The following SLC49A4 variants were observed in gnomAD, a reference collection of about 807,000 sequenced individuals.
The protein encoded by SLC49A4 is solute carrier family 49 member 4.
In SLC49A4, 36 loss-of-function variants were observed where a neutral mutation model predicts 50.6. The observed-to-expected ratio is 0.71, with a 90% confidence interval of 0.55 to 0.94. The LOEUF (loss-of-function observed/expected upper bound fraction) is 0.94, where lower values mean the gene tolerates loss of function less well. SLC49A4 is among the 40% of genes least tolerant of loss of function. The pLI is 0.00. For missense variants in SLC49A4, 503 were observed against 605.7 expected (o/e 0.83, Z 1.78); for synonymous variants, 248 against 241.2 (o/e 1.03, Z -0.26).
intron 2 of SLC49A4, among the ~76,000 whole-genome samples, chr3:122,823,535 T>G (rs774288921): frequency 1.3e-5 from 2 of 152,246 alleles, no homozygotes; most frequent in African/African-American, 2.4e-5. Flanking sequence ...CTTTTTAATT[T>G]TACATTCTCA....
chr3:122,837,117 G>A (rs1220061758), intron 4 of SLC49A4, among the ~76,000 whole-genome samples: 10 of 152,234 alleles, frequency 6.6e-5, no homozygotes, highest in East Asian at 3.9e-4. Context: ...AATCAATATC[G>A]TGAAAATGGC....
rs377713919 is a variant in SLC49A4 at position 122,860,149 on chromosome 3, C to T, written c.1085C>T (p.Thr362Met). Reference sequence around the variant, plus strand: ...TTTTCGGGAGCTACACTGTCATCCACGTGGTTCACCCTGACCTGTTTGAAC... The same window carrying T: ...TTTTCGGGAGCTACACTGTCATCCATGTGGTTCACCCTGACCTGTTTGAAC... ...LLFSGATLSSTWFTLTCLNSI... is the reference protein window; with the variant it reads ...LLFSGATLSSMWFTLTCLNSI... The change falls in exon 7 of 9, where the codon ACG (threonine) becomes ATG (methionine). Residue 362 changes from threonine (T) to methionine (M), a missense_variant. By Grantham distance (81) the Thr-to-Met change is moderately conservative. Coordinates refer to ENST00000261038, the MANE Select transcript of SLC49A4 (RefSeq NM_032839.3). 29 of 1,613,302 alleles carry T rather than the reference C, an allele frequency of 1.8e-5. No individual in the cohort carries two copies. The highest frequency in any genetic ancestry group is 4.0e-5 in the African/African-American group (3 of 74,886).
intron 3 of SLC49A4, among the ~76,000 whole-genome samples, chr3:122,832,494 T>A (rs538458573): frequency 3.3e-5 from 5 of 152,342 alleles, no homozygotes; most frequent in Admixed American, 2.6e-4. Context: ...TTTTGGATGC[T>A]TTCTTGTTCA....
intron 2 of SLC49A4, among the ~76,000 whole-genome samples, chr3:122,814,061 A>G (rs1936333313): frequency 1.3e-5 from 2 of 152,224 alleles, no homozygotes; most frequent in South Asian, 4.1e-4. Flanking sequence ...ACTTGAGGCC[A>G]GGAGTTCAAG....
At chr3:122,857,835 A>G (rs1937007487) in intron 6 of SLC49A4, among the ~76,000 whole-genome samples, 1 of 152,176 alleles carries the variant, frequency 6.6e-6, no homozygotes, top group Non-Finnish European at 1.5e-5. Context: ...CAAAGGGGGA[A>G]CAATTATGTA....
chr3:122,844,314 TCTC>T (rs1172139103), intron 4 of SLC49A4, among the ~76,000 whole-genome samples: 2 of 152,080 alleles, frequency 1.3e-5, no homozygotes, highest in African/African-American at 4.8e-5. Flanking sequence ...CTCAAGTTAT[TCTC>T]CTACCTTGGT....
intron 6 of SLC49A4, among the ~76,000 whole-genome samples, chr3:122,857,674 G>A (rs1451439630): frequency 6.6e-6 from 1 of 152,112 alleles, no homozygotes; most frequent in Non-Finnish European, 1.5e-5. Flanking sequence ...AGAAGCAGAA[G>A]GGGAATATAG....
Position 122,872,597 on chromosome 3 carries a change from G to A in SLC49A4, c.1321G>A (p.Glu441Lys), listed in dbSNP as rs1254918532. 6.4e-7 allele frequency: 1 copy of A among 1,567,588 alleles called. No individual in the cohort carries two copies. ...LLFFLTFYHT[E>K]LSWFNWCLPG... ...ATTTTTTCTCACATTTTATCATACA[G>A]GTAAGAAATTTGATTTTTTATTTAC... The change falls in exon 8 of 9, where the codon GAG (glutamate) becomes AAG (lysine). Residue 441 changes from glutamate to lysine, a missense_variant and splice_region_variant. Physicochemically the swap from Glu to Lys is moderately conservative, Grantham distance 56. Coordinates refer to ENST00000261038, the MANE Select transcript of SLC49A4 (RefSeq NM_032839.3).
chr3:122,808,901 G>A (rs756323327), intron 2 of SLC49A4, among the ~76,000 whole-genome samples: 2 of 152,210 alleles, frequency 1.3e-5, no homozygotes, highest in Non-Finnish European at 2.9e-5. Flanking sequence ...TGGACCAGAT[G>A]TGGGAAGTAA....
At chr3:122,807,015 A>T in intron 2 of SLC49A4, 65 bp downstream of exon 2, 1 of 914,728 alleles carries the variant, frequency 1.1e-6, no homozygotes, top group Non-Finnish European at 1.7e-6. Flanking sequence ...ATTTTTAAGA[A>T]GATCAGTAAA....
intron 1 of SLC49A4, among the ~76,000 whole-genome samples, chr3:122,802,557 A>T (rs1936147840): frequency 1.3e-5 from 2 of 152,204 alleles, no homozygotes; most frequent in Non-Finnish European, 2.9e-5. Flanking sequence ...CCCCAGGATC[A>T]CACAGGCTGG....
intron 2 of SLC49A4, among the ~76,000 whole-genome samples, chr3:122,824,293 T>C (rs1194403063): frequency 6.6e-6 from 1 of 152,196 alleles, no homozygotes; most frequent in Non-Finnish European, 1.5e-5. Context: ...CCATCTGAAG[T>C]GTCCCTGGTG....
chr3:122,816,702 G>A (rs1344333059), intron 2 of SLC49A4, among the ~76,000 whole-genome samples: 1 of 152,154 alleles, frequency 6.6e-6, no homozygotes, highest in Non-Finnish European at 1.5e-5. Flanking sequence ...GTTGTCTAGG[G>A]ACCTGGGTTC....
chr3:122,839,993 A>G (rs1936745575), intron 4 of SLC49A4, among the ~76,000 whole-genome samples: 1 of 152,178 alleles, frequency 6.6e-6, no homozygotes, highest in Non-Finnish European at 1.5e-5. Flanking sequence ...GAACCAACCT[A>G]AGTGCCCATT....
chr3:122,828,301 A>G (rs776957575), intron 3 of SLC49A4, among the ~76,000 whole-genome samples: 1 of 152,192 alleles, frequency 6.6e-6, no homozygotes, highest in Non-Finnish European at 1.5e-5. Context: ...AAGGCCTACA[A>G]TTGCTCTGAG....
chr3:122,838,701 TATA>T (rs970507756), intron 4 of SLC49A4, among the ~76,000 whole-genome samples: 82 of 151,782 alleles, frequency 5.4e-4, no homozygotes, highest in African/African-American at 1.9e-3. Context: ...AAACTTAAAG[TATA>T]ATAATAATAA....
intron 2 of SLC49A4, among the ~76,000 whole-genome samples, chr3:122,819,861 T>C (rs1330116254): frequency 2.0e-5 from 3 of 151,910 alleles, no homozygotes; most frequent in Admixed American, 1.3e-4. Flanking sequence ...GAATATGAGC[T>C]AAGAGTTTAT....
chr3:122,834,516 G>A (rs1277901186), intron 4 of SLC49A4, among the ~76,000 whole-genome samples: 2 of 151,974 alleles, frequency 1.3e-5, no homozygotes, highest in South Asian at 2.1e-4. Context: ...AACATGAACC[G>A]TAATAGTGAT....
At chr3:122,830,883 T>C (rs573458148) in intron 3 of SLC49A4, among the ~76,000 whole-genome samples, 10 of 152,290 alleles carry the variant, frequency 6.6e-5, no homozygotes, top group African/African-American at 2.4e-4. Flanking sequence ...ATCATATATC[T>C]GATAAGGGAC....
Sources: gnomAD v4.1 joint callset for allele counts (sites outside exome capture counted in the v4.1 genomes callset) on GRCh38, gnomAD v4.1.1 for gene constraint, MANE v1.5 for transcripts, NCBI Gene and HGNC (gene_info 2026-07-23, HGNC 2026-07-21) for gene names.